DEPDC5: variants seen among roughly 807,000 people sequenced by gnomAD.
DEPDC5 encodes the protein GATOR1 complex protein DEPDC5.
A neutral mutation model predicts 217.3 loss-of-function variants in DEPDC5; 73 were observed. The observed-to-expected ratio is 0.34, with a 90% CI of 0.28 to 0.41. DEPDC5 has a LOEUF of 0.41. Ranked by LOEUF, DEPDC5 falls within the 10% of genes least tolerant of loss-of-function variation. The pLI, the probability that DEPDC5 is intolerant of heterozygous loss-of-function variation, is 1.00. For synonymous variants in DEPDC5, 733 were observed against 756.7 expected (o/e 0.97, Z 0.51); for missense variants, 1,675 against 2,070.1 (o/e 0.81, Z 3.70).
chr22:31,837,971 G>A (rs1391371897), intron 26 of DEPDC5, among the ~76,000 whole-genome samples: 1 of 152,102 alleles, frequency 6.6e-6, no homozygotes, highest in African/African-American at 2.4e-5. Context: ...CCAAAGTGCT[G>A]GGATTATAGG....
chr22:31,868,520 C>T (rs552510479), intron 33 of DEPDC5, among the ~76,000 whole-genome samples: 26 of 152,262 alleles, frequency 1.7e-4, no homozygotes, highest in African/African-American at 3.1e-4. Context: ...CTCCGCTTCC[C>T]GGGTGAAGCA....
At chr22:31,834,918 T>G (rs2090885067) in intron 25 of DEPDC5, among the ~76,000 whole-genome samples, 2 of 152,254 alleles carry the variant, frequency 1.3e-5, no homozygotes, top group East Asian at 3.8e-4. Flanking sequence ...TTACTGTATC[T>G]TGGTTTGAGT....
intron 19 of DEPDC5, 109 bp from the exon 20 acceptor site, chr22:31,810,410 CCT>C: frequency 6.7e-7 from 1 of 1,499,894 alleles, no homozygotes; most frequent in South Asian, 1.3e-5. Flanking sequence ...TATCTGAAGG[CCT>C]CTGTTTGAAA....
At chr22:31,826,609 C>T (rs941901875) in intron 24 of DEPDC5, 1 of 335,878 alleles carries the variant, frequency 3.0e-6, no homozygotes, top group Non-Finnish European at 5.9e-6. Context: ...GGTGGTTCCC[C>T]CTCCTTCCCA....
chr22:31,774,846 T>A (rs148599286), intron 7 of DEPDC5, among the ~76,000 whole-genome samples: 2,079 of 152,000 alleles, frequency 0.014, 16 homozygotes, highest in Middle Eastern at 0.031. Flanking sequence ...ATGGTCTCGA[T>A]CTCTTGACCT....
chr22:31,827,416 G>A lies in DEPDC5; in HGVS notation c.2104+4626G>A, dbSNP rs2148872069. Among the ~76,000 whole-genome samples the A allele has an allele frequency of 2.0e-5, 3 of 152,268 alleles. No homozygotes were observed. The Middle Eastern group carries it at 0.01, about 518-fold the overall frequency. On this transcript the variant is annotated intron_variant, in intron 24 of 42. Transcript: ENST00000651528. ...GTCAGATCTTCAGGATATATCCATAGTCTTACTTCCATCAGTCTTAGCCTG... is the reference window on the plus strand; with the variant it reads ...GTCAGATCTTCAGGATATATCCATAATCTTACTTCCATCAGTCTTAGCCTG...
At chr22:31,775,255 T>C (rs1306504973) in intron 7 of DEPDC5, among the ~76,000 whole-genome samples, 3 of 150,966 alleles carry the variant, frequency 2.0e-5, no homozygotes, top group Non-Finnish European at 4.4e-5. Flanking sequence ...TCTGAGCTCA[T>C]TGCAACCTCT....
intron 7 of DEPDC5, among the ~76,000 whole-genome samples, chr22:31,775,028 C>T (rs1237731144): frequency 6.6e-6 from 1 of 152,186 alleles, no homozygotes; most frequent in African/African-American, 2.4e-5. Flanking sequence ...AAGCATCCCA[C>T]TTGGTATAAG....
intron 2 of DEPDC5, chr22:31,755,183 T>C (rs1042005830): frequency 1.9e-6 from 1 of 528,408 alleles, no homozygotes; most frequent in Non-Finnish European, 3.3e-6. Context: ...TAAGGAACAT[T>C]GTGAATGCTG....
intron 31 of DEPDC5, among the ~76,000 whole-genome samples, chr22:31,850,935 G>A (rs2091989118): frequency 2.0e-5 from 3 of 152,154 alleles, no homozygotes; most frequent in South Asian, 2.1e-4. Context: ...TGGCATGGTG[G>A]CACGTACCTG....
At chr22:31,810,241 A>G (rs2088115205) in intron 19 of DEPDC5, among the ~76,000 whole-genome samples, 1 of 152,224 alleles carries the variant, frequency 6.6e-6, no homozygotes, top group Non-Finnish European at 1.5e-5. Context: ...TCACAAAAGG[A>G]TGAAATGCTA....
At chr22:31,818,956 C>T (rs1043667073) in intron 21 of DEPDC5, 66 bp from the exon 22 acceptor site, 1 of 1,550,794 alleles carries the variant, frequency 6.4e-7, no homozygotes, top group African/African-American at 1.4e-5. Flanking sequence ...TATCATTCTA[C>T]CTAGCTCTGG....
intron 7 of DEPDC5, among the ~76,000 whole-genome samples, chr22:31,777,346 C>T (rs975921847): frequency 1.3e-5 from 2 of 151,834 alleles, no homozygotes; most frequent in African/African-American, 4.8e-5. Context: ...CTGCAACTTC[C>T]ACCTCCTGGG....
chr22:31,850,068 G>A (rs879395682), intron 31 of DEPDC5, among the ~76,000 whole-genome samples: 8 of 151,450 alleles, frequency 5.3e-5, no homozygotes, highest in Admixed American at 3.3e-4. Flanking sequence ...GCAGTGAGCC[G>A]AGATTGTGCC....
chr22:31,764,235 C>T (rs539517621), intron 4 of DEPDC5, among the ~76,000 whole-genome samples: 1 of 152,186 alleles, frequency 6.6e-6, no homozygotes, highest in East Asian at 1.9e-4. Flanking sequence ...AACCTTAATC[C>T]TAAGAATGGC....
intron 2 of DEPDC5, 72 bp from the exon 3 acceptor site, chr22:31,758,474 G>T: frequency 2.2e-5 from 31 of 1,403,316 alleles, no homozygotes; most frequent in Non-Finnish European, 3.1e-5. Flanking sequence ...GGGGTTGTGA[G>T]GAACCAGTAT....
chr22:31,798,642 A>G lies in DEPDC5; in HGVS notation c.932A>G (p.Asn311Ser). 1.9e-6 allele frequency: 3 copies of G among 1,611,586 alleles called. No homozygotes were observed. The highest frequency in any genetic ancestry group is 2.5e-6 in the Non-Finnish European group (3 of 1,178,444). ...SAQGNYLEAI[N>S]LSFNVFDKHY... ...CAAGGAAACTACCTGGAGGCCATCA[A>G]TCTGTCATTCAATGGTGAGTAAGGA... The change falls in exon 14 of 43, where the codon AAT (asparagine) becomes AGT (serine). Residue 311 changes from asparagine (N) to serine (S), a missense_variant. This residue lies in a region of DEPDC5 where 628 missense variants were observed against 762.1 expected (regional missense o/e 0.82). Coordinates refer to ENST00000651528, the MANE Select transcript of DEPDC5 (RefSeq NM_001242896.3).
intron 22 of DEPDC5, among the ~76,000 whole-genome samples, chr22:31,819,792 C>T (rs2089506950): frequency 1.3e-5 from 2 of 152,066 alleles, no homozygotes; most frequent in Admixed American, 1.3e-4. Flanking sequence ...TTGAGAGGAA[C>T]TATGCATTGC....
At position 31,797,544 on chromosome 22, in the gene DEPDC5, CAG is replaced by C. The variant is rs1005579467; in HGVS notation, c.768-53_768-52del. ...TTGAGATGAAATTTGGGAGGGGACA[CAG>C]AGCCAAACCATATCAGCTGCTCAAT... On this transcript the variant is annotated intron_variant, in intron 12 of 42. Coordinates refer to ENST00000651528, the MANE Select transcript of DEPDC5 (RefSeq NM_001242896.3). 33 of 1,465,966 alleles carry C rather than the reference CAG, an allele frequency of 2.3e-5. No individual in the cohort carries two copies. In the African/African-American group the frequency reaches 4.0e-4, roughly 18 times the overall value. The allele number at this position is 1,465,966 out of a possible 1,614,324, so 90.8% of individuals were successfully genotyped here.
Sources: gnomAD v4.1 joint callset for allele counts (sites outside exome capture counted in the v4.1 genomes callset) on GRCh38, gnomAD v4.1.1 for gene constraint, gnomAD v4.1.1 regional missense constraint, MANE v1.5 for transcripts, NCBI Gene and HGNC (gene_info 2026-07-23, HGNC 2026-07-21) for gene names.